Variants in ZBTB20 observed in about 807,000 individuals in gnomAD.
ZBTB20 encodes zinc finger and BTB domain-containing protein 20.
A neutral mutation model predicts 56.9 loss-of-function variants in ZBTB20; 9 were observed. That is an observed-to-expected ratio of 0.16 (90% confidence interval 0.10 to 0.28). The LOEUF is 0.28. ZBTB20 is among the 10% of genes least tolerant of loss of function. ZBTB20 has a pLI of 1.00. For missense variants in ZBTB20, 655 were observed against 1,003.0 expected (o/e 0.65, Z 4.69); for synonymous variants, 417 against 420.7 (o/e 0.99, Z 0.11).
intron 6 of ZBTB20, among the ~76,000 whole-genome samples, chr3:114,610,339 A>AG (rs1464379916): frequency 6.6e-6 from 1 of 152,242 alleles, no homozygotes; most frequent in African/African-American, 2.4e-5. Flanking sequence ...GGTGAAAAGA[A>AG]GCATCAATAT....
intron 4 of ZBTB20, among the ~76,000 whole-genome samples, chr3:114,838,336 A>C (rs1560305275): frequency 6.6e-6 from 1 of 152,236 alleles, no homozygotes; most frequent in Non-Finnish European, 1.5e-5. Context: ...TAATTATATT[A>C]GCTTAAATAT....
intron 4 of ZBTB20, among the ~76,000 whole-genome samples, chr3:114,868,612 T>A (rs1466408454): frequency 6.6e-6 from 1 of 152,194 alleles, no homozygotes; most frequent in Non-Finnish European, 1.5e-5. Context: ...TAAAAATGCT[T>A]AAATATACAA....
chr3:114,582,450 T>C (rs2054742627), intron 6 of ZBTB20, among the ~76,000 whole-genome samples: 2 of 151,990 alleles, frequency 1.3e-5, no homozygotes, highest in South Asian at 4.2e-4. Context: ...AATGGTGCCA[T>C]CTCAGCCCAC....
chr3:114,796,169 G>T (rs1023745125), intron 5 of ZBTB20, among the ~76,000 whole-genome samples: 4 of 151,934 alleles, frequency 2.6e-5, no homozygotes, highest in African/African-American at 7.2e-5. Flanking sequence ...GATAGTTAGG[G>T]GAGAGTGGAT....
At chr3:115,106,848 T>C (rs1043769102) in intron 1 of ZBTB20, among the ~76,000 whole-genome samples, 1 of 152,156 alleles carries the variant, frequency 6.6e-6, no homozygotes, top group African/African-American at 2.4e-5. Flanking sequence ...TTAAGCTTTG[T>C]TGGTCTAGCA....
chr3:114,344,022 C>T (rs1291857763), intron 11 of ZBTB20, among the ~76,000 whole-genome samples: 1 of 151,258 alleles, frequency 6.6e-6, no homozygotes, highest in East Asian at 2.0e-4. Flanking sequence ...GCACTCCAGC[C>T]TGGGCAACAG....
intron 1 of ZBTB20, among the ~76,000 whole-genome samples, chr3:115,106,854 T>C (rs1202432095): frequency 6.6e-6 from 1 of 152,098 alleles, no homozygotes; most frequent in African/African-American, 2.4e-5. Context: ...TTTGTTGGTC[T>C]AGCATCTGGC....
intron 5 of ZBTB20, among the ~76,000 whole-genome samples, chr3:114,780,486 T>C (rs17626614): frequency 0.026 from 4,009 of 152,224 alleles, 60 homozygotes; most frequent in South Asian, 0.058. Flanking sequence ...GTTGGTAACA[T>C]CCTTCTCTTT....
intron 1 of ZBTB20, among the ~76,000 whole-genome samples, chr3:115,094,858 A>G (rs1480252000): frequency 6.6e-6 from 1 of 152,052 alleles, no homozygotes; most frequent in Non-Finnish European, 1.5e-5. Context: ...CAAAAATAGT[A>G]CTACTATGTA....
chr3:114,922,828 CA>C (rs1466080441), intron 3 of ZBTB20, among the ~76,000 whole-genome samples: 5 of 330 alleles, frequency 0.015, no homozygotes, highest in Non-Finnish European at 0.029. Flanking sequence ...CTCAATACAT[CA>C]AGACATCAAG....
At chr3:115,072,657 G>A (rs1308475381) in intron 1 of ZBTB20, among the ~76,000 whole-genome samples, 1 of 152,138 alleles carries the variant, frequency 6.6e-6, no homozygotes, top group Non-Finnish European at 1.5e-5. Context: ...TGGGGCATCG[G>A]CCTTTTCTGA....
intron 3 of ZBTB20, among the ~76,000 whole-genome samples, chr3:114,959,737 A>G (rs2107964968): frequency 6.6e-6 from 1 of 151,084 alleles, no homozygotes; most frequent in East Asian, 1.9e-4. Flanking sequence ...ACACACACAC[A>G]CACACACACA....
intron 1 of ZBTB20, among the ~76,000 whole-genome samples, chr3:115,129,869 C>G (rs897533584): frequency 5.9e-5 from 9 of 152,296 alleles, no homozygotes; most frequent in South Asian, 4.1e-4. Flanking sequence ...TAAATGTACT[C>G]ACACCTTCCA....
chr3:115,011,220 A>G (rs2079690885), intron 2 of ZBTB20, among the ~76,000 whole-genome samples: 1 of 151,914 alleles, frequency 6.6e-6, no homozygotes, highest in Non-Finnish European at 1.5e-5. Flanking sequence ...AGAAAGAGAC[A>G]GGGGTAGAAA....
rs1213283053 is a variant in ZBTB20, at chr3:114,326,949, A to T, written c.*12056T>A. ...ATGCAGACTTTCTGAAATGCATTGTATGTGTGTGTGTTGCAGAGGGAGAGG... is the reference window on the plus strand; with the variant it reads ...ATGCAGACTTTCTGAAATGCATTGTTTGTGTGTGTGTTGCAGAGGGAGAGG... On this transcript the variant is annotated 3_prime_UTR_variant, in exon 12 of 12. Transcript: ENST00000675478. 1 of 152,086 alleles carries T rather than the reference A, an allele frequency of 6.6e-6. No individual in the cohort carries two copies. Among genetic ancestry groups the T allele is most frequent in the African/African-American group, 2.4e-5 (1 of 41,418 alleles). 9.4% of individuals were successfully genotyped at this position (152,086 alleles called of 1,614,324 possible). A position where few individuals can be genotyped will look rare whatever the true frequency, so the allele number is the denominator to read the frequency against.
At chr3:114,372,266 G>A (rs1412956002) in intron 10 of ZBTB20, among the ~76,000 whole-genome samples, 2 of 152,228 alleles carry the variant, frequency 1.3e-5, no homozygotes, top group South Asian at 2.1e-4. Flanking sequence ...CATGGGATGA[G>A]ATGGCAAGAT....
At chr3:114,673,385 T>G (rs1282100198) in intron 6 of ZBTB20, among the ~76,000 whole-genome samples, 1 of 152,144 alleles carries the variant, frequency 6.6e-6, no homozygotes, top group African/African-American at 2.4e-5. Context: ...TAAAATGCCT[T>G]GAGCCCCTTG....
At chr3:114,482,236 T>C (rs1318554792) in intron 7 of ZBTB20, among the ~76,000 whole-genome samples, 1 of 152,152 alleles carries the variant, frequency 6.6e-6, no homozygotes, top group Admixed American at 6.5e-5. Flanking sequence ...ATCAGGGATC[T>C]ACATGGACAG....
intron 7 of ZBTB20, among the ~76,000 whole-genome samples, chr3:114,415,691 T>G (rs949829262): frequency 2.0e-5 from 3 of 152,104 alleles, no homozygotes; most frequent in Admixed American, 1.3e-4. Context: ...TCAAGGATTC[T>G]AATTTAGGGT....
Sources: gnomAD v4.1 joint callset for allele counts (sites outside exome capture counted in the v4.1 genomes callset) on GRCh38, gnomAD v4.1.1 for gene constraint, MANE v1.5 for transcripts, NCBI Gene and HGNC (gene_info 2026-07-23, HGNC 2026-07-21) for gene names.